Variants in MECR observed in about 807,000 individuals in gnomAD.
MECR encodes enoyl-[acyl-carrier-protein] reductase, mitochondrial.
In MECR, 37 loss-of-function variants were observed where a neutral mutation model predicts 49.1. The observed-to-expected ratio is 0.75, with a 90% CI of 0.58 to 0.99. The LOEUF is 0.99. Ranked by LOEUF, MECR falls within the 50% of genes least tolerant of loss-of-function variation. The pLI is 0.00. For synonymous variants in MECR, 198 were observed against 191.1 expected, an observed-to-expected ratio of 1.04 and a Z score of -0.30; for missense variants, 470 against 479.6, an observed-to-expected ratio of 0.98 and a Z score of 0.19.
intron 1 of MECR, among the ~76,000 whole-genome samples, chr1:29,228,170 G>A (rs1682575563): frequency 6.6e-6 from 1 of 152,000 alleles, no homozygotes; most frequent in African/African-American, 2.4e-5. Flanking sequence ...GAGCCCAGGA[G>A]TTCAAGACCA....
At chr1:29,173,782 G>A in the MECR span, among the ~76,000 whole-genome samples, 2 of 151,816 alleles carry the variant, frequency 1.3e-5, no homozygotes, top group East Asian at 3.9e-4. Flanking sequence ...TGCTTGATAG[G>A]CTAAATAGAC....
At chr1:29,215,406 CCT>C (rs903774651) in intron 3 of MECR, among the ~76,000 whole-genome samples, 5 of 152,140 alleles carry the variant, frequency 3.3e-5, no homozygotes, top group Admixed American at 6.6e-5. Flanking sequence ...GATAAAACCC[CCT>C]CTTTACTAAA....
rs753141610 is a variant in MECR, at chr1:29,206,752, G to A, written c.550+10C>T. On this transcript the variant is annotated intron_variant, in intron 4 of 9. Coordinates refer to ENST00000263702, the MANE Select transcript of MECR (RefSeq NM_016011.5). ...ACCCTGGCCTGCTCCCCCAACCTGT[G>A]GGTTCCTACCTGGCTGCAGTTGCTC... 3.1e-6 allele frequency: 5 copies of A among 1,613,682 alleles called. No individual in the cohort carries two copies. Among genetic ancestry groups the A allele is most frequent in the Non-Finnish European group, 4.2e-6 (5 of 1,179,832 alleles).
At chr1:29,228,000 AAAAC>A (rs756429136) in intron 1 of MECR, among the ~76,000 whole-genome samples, 13 of 152,124 alleles carry the variant, frequency 8.5e-5, no homozygotes, top group Non-Finnish European at 1.6e-4. Context: ...AGCTTTGAAA[AAAAC>A]AGAAGCTCCA....
chr1:29,169,764 CA>C, the MECR span: 5 of 152,126 alleles, frequency 3.3e-5, no homozygotes, highest in Non-Finnish European at 5.9e-5. Flanking sequence ...GATAACAGCC[CA>C]TCTCTAACAG....
In MECR at chr1:29,193,339, C is replaced by T; in HGVS notation, c.*683G>A. On this transcript the variant is annotated 3_prime_UTR_variant, in exon 10 of 10. Coordinates refer to ENST00000263702, the MANE Select transcript of MECR (RefSeq NM_016011.5). ...CCTGCTAGATGCCAGTAGCAACCTCCTTCATAAGCTGTGATAGCCAGAAAT... is the reference window on the plus strand; with the variant it reads ...CCTGCTAGATGCCAGTAGCAACCTCTTTCATAAGCTGTGATAGCCAGAAAT... The T allele has an allele frequency of 5.4e-6, 1 of 186,536 alleles. No individual in the cohort carries two copies. Among genetic ancestry groups the T allele is most frequent in the Non-Finnish European group, 1.1e-5 (1 of 88,930 alleles). 11.6% of individuals were successfully genotyped at this position (186,536 alleles called of 1,614,324 possible).
intron 7 of MECR, 70 bp from the exon 8 acceptor site, chr1:29,196,328 C>T (rs372012264): frequency 2.0e-4 from 270 of 1,344,972 alleles, no homozygotes; most frequent in Middle Eastern, 3.7e-4. Flanking sequence ...CCTGCCATGG[C>T]GCTTCTACTC....
chr1:29,201,769 T>TA lies in MECR; in HGVS notation c.756+173dup, dbSNP rs1260301561. Among the ~76,000 whole-genome samples, 1 of 152,172 alleles carries TA rather than the reference T, an allele frequency of 6.6e-6. No individual in the cohort carries two copies. The highest frequency in any genetic ancestry group is 1.5e-5 in the Non-Finnish European group (1 of 68,022). The stretch of plus-strand genomic sequence containing the variant: ...GCCTCCCTCCCAGCATCTGGGCACT[T>TA]AATGCGTGCTGCCTGCCGCCTGGCT... On this transcript the variant is annotated intron_variant, in intron 6 of 9. Transcript: ENST00000263702. This position sits in a 1 kb window ranked among gnomAD's most constrained non-coding sequence, Gnocchi z 4.3.
chr1:29,173,127 AG>A, the MECR span: 333 of 143,520 alleles, frequency 2.3e-3, no homozygotes, highest in African/African-American at 8.1e-3. Context: ...TGAGTCAAAA[AG>A]GCTTTTTTTT....
At chr1:29,215,868 T>G in intron 3 of MECR, 137 bp downstream of exon 3, 1 of 1,080,304 alleles carries the variant, frequency 9.3e-7, no homozygotes, top group Non-Finnish European at 1.3e-6. Flanking sequence ...CAAAACTCCG[T>G]CTCAAAATAA....
In MECR at chr1:29,203,659, C is replaced by T. The variant is rs978457444; in HGVS notation, c.551-426G>A. Among the ~76,000 whole-genome samples, 7 of 152,204 alleles carry T rather than the reference C, an allele frequency of 4.6e-5. No homozygotes were observed. In the East Asian group the frequency reaches 1.2e-3, roughly 25 times the overall value. ...AGCTCAAGTGCAGCCTTCATGAAGC[C>T]TTCCTGGATTGTTCCCTCTATGTGC... On this transcript the variant is annotated intron_variant, in intron 4 of 9. Transcript: ENST00000263702.
At chr1:29,200,259 AG>A (rs1674991941) in intron 7 of MECR, 1 of 333,648 alleles carries the variant, frequency 3.0e-6, no homozygotes. Flanking sequence ...CCTCTATGGC[AG>A]GCAGCTTAGC....
chr1:29,189,607 A>G (rs981631187), downstream of MECR, among the ~76,000 whole-genome samples: 7 of 152,122 alleles, frequency 4.6e-5, no homozygotes, highest in East Asian at 3.9e-4. Context: ...TTCCTTTCCA[A>G]TGTTGGCCTC....
At chr1:29,180,920 T>C in the MECR span, among the ~76,000 whole-genome samples, 12 of 152,216 alleles carry the variant, frequency 7.9e-5, no homozygotes, top group African/African-American at 1.9e-4. Flanking sequence ...GTGGCCACTA[T>C]TCTCCTAACA....
chr1:29,208,447 C>T (rs545333838), intron 3 of MECR, among the ~76,000 whole-genome samples: 33 of 152,286 alleles, frequency 2.2e-4, no homozygotes, highest in East Asian at 1.5e-3. Context: ...CAGCCTGACT[C>T]GCCTCCTCCA....
intron 1 of MECR, among the ~76,000 whole-genome samples, chr1:29,225,851 C>G (rs562353924): frequency 6.6e-6 from 1 of 152,272 alleles, no homozygotes; most frequent in South Asian, 2.1e-4. Context: ...ACTACCTGCT[C>G]CTCCAAAGTC....
downstream of MECR, among the ~76,000 whole-genome samples, chr1:29,190,423 C>T (rs972589576): frequency 6.6e-6 from 1 of 151,770 alleles, no homozygotes; most frequent in South Asian, 2.1e-4. Flanking sequence ...GGAATCATGT[C>T]TGTGTACCAC....
At chr1:29,207,770 A>G (rs1219992924) in intron 3 of MECR, among the ~76,000 whole-genome samples, 1 of 151,982 alleles carries the variant, frequency 6.6e-6, no homozygotes, top group Non-Finnish European at 1.5e-5. Flanking sequence ...AAACAAACCA[A>G]AACAAAATAT....
rs1675420376 is a variant in MECR, at chr1:29,201,953, T to A, written c.746A>T (p.Asn249Ile). ...CCTCTTCCTAGGTACCTTAAAGAAG[T>A]TTTTCATTTCGGGCCTTCTTAGCTC... ...EEELRRPEMK[N>I]FFKDMPQPRL... Residue 249 changes from asparagine to isoleucine, a missense_variant, in exon 6 of 10, where the codon AAC (asparagine) becomes ATC (isoleucine). Asn to Ile is a moderately radical substitution (Grantham distance 149). Coordinates refer to ENST00000263702, the MANE Select transcript of MECR (RefSeq NM_016011.5). This position sits in a 1 kb window ranked among gnomAD's most constrained non-coding sequence, Gnocchi z 4.3. 1 of 1,613,820 alleles carries A rather than the reference T, an allele frequency of 6.2e-7. No homozygotes were observed. The highest frequency in any genetic ancestry group is 1.1e-5 in the South Asian group (1 of 91,060).
Sources: gnomAD v4.1 joint callset for allele counts (sites outside exome capture counted in the v4.1 genomes callset) on GRCh38, gnomAD v4.1.1 for gene constraint, Gnocchi (gnomAD v3.1) non-coding constraint, MANE v1.5 for transcripts, NCBI Gene and HGNC (gene_info 2026-07-23, HGNC 2026-07-21) for gene names.